LCT: variants seen among roughly 807,000 people sequenced by gnomAD.
LCT encodes the protein lactase/phlorizin hydrolase.
LCT carries 90 observed loss-of-function variants against 173.0 expected under a neutral mutation model. The ratio of observed to expected loss-of-function variants is 0.52; its 90% CI spans 0.44 to 0.62. The LOEUF is 0.62. Among genes scored for constraint, LCT ranks in the 20% least tolerant of loss-of-function variants. The probability of loss-of-function intolerance (pLI) is 0.00; values close to 1 mark genes in which losing one functional copy is unlikely to be tolerated. For synonymous variants in LCT, 853 were observed against 957.6 expected (o/e 0.89, Z 2.02); for missense variants, 1,864 against 2,431.4 (o/e 0.77, Z 4.91).
At chr2:135,825,613 G>A (rs2077882177) in intron 3 of LCT, among the ~76,000 whole-genome samples, 1 of 152,194 alleles carries the variant, frequency 6.6e-6, no homozygotes, top group Non-Finnish European at 1.5e-5. Flanking sequence ...ACCTCCTCGT[G>A]TGCCTCCTGC....
At position 135,823,908 on chromosome 2, in the gene LCT, A is replaced by T. The variant is rs1310790188; in HGVS notation, c.900T>A (p.Leu300=). 2 of 1,609,330 alleles carry T rather than the reference A, an allele frequency of 1.2e-6. No homozygotes were observed. ...MKNPASLLFS[L]FEAINKDQVL... ...CAGCAATGGCCCACTCACCTTCAAAAAGGCTGAAGAGCAGACTGGCTGGGT... is the reference window on the plus strand; with the variant it reads ...CAGCAATGGCCCACTCACCTTCAAATAGGCTGAAGAGCAGACTGGCTGGGT... Residue 300 remains leucine, a synonymous_variant, in exon 4 of 17, where the codon CTT becomes CTA. Transcript: ENST00000264162.
At chr2:135,803,042 G>T (rs985596788) in intron 11 of LCT, among the ~76,000 whole-genome samples, 1 of 152,160 alleles carries the variant, frequency 6.6e-6, no homozygotes, top group Non-Finnish European at 1.5e-5. Context: ...AGCCCAGGAG[G>T]TGGAGGTTGC....
At chr2:135,808,254 A>G (rs1401612003) in intron 8 of LCT, among the ~76,000 whole-genome samples, 189 bp downstream of exon 8, 2 of 152,178 alleles carry the variant, frequency 1.3e-5, no homozygotes, top group Non-Finnish European at 2.9e-5. Context: ...CTCTGCAGAG[A>G]CAACCATAGC....
At chr2:135,808,092 T>C (rs1450529144) in intron 8 of LCT, among the ~76,000 whole-genome samples, 1 of 151,722 alleles carries the variant, frequency 6.6e-6, no homozygotes, top group African/African-American at 2.4e-5. Flanking sequence ...CTGGGGTGCA[T>C]GGGATAAGCT....
intron 7 of LCT, among the ~76,000 whole-genome samples, chr2:135,811,440 T>C (rs919184785): frequency 1.9e-4 from 29 of 152,002 alleles, no homozygotes; most frequent in Non-Finnish European, 1.6e-4. Flanking sequence ...ACCTTTCCAA[T>C]TGGAATAAAA....
chr2:135,822,238 G>A, intron 4 of LCT, 140 bp from the exon 5 acceptor site: 1 of 673,708 alleles, frequency 1.5e-6, no homozygotes, highest in Non-Finnish European at 2.7e-6. Context: ...AATACCATGG[G>A]CTAACGACTT....
intron 3 of LCT, among the ~76,000 whole-genome samples, chr2:135,827,544 A>C (rs532900842): frequency 6.6e-6 from 1 of 152,198 alleles, no homozygotes; most frequent in Middle Eastern, 3.4e-3. Flanking sequence ...CGTGGAAGAC[A>C]ATTTTTCCAC....
intron 14 of LCT, among the ~76,000 whole-genome samples, chr2:135,793,220 A>G (rs1191723519): frequency 1.3e-5 from 2 of 152,218 alleles, no homozygotes; most frequent in Non-Finnish European, 2.9e-5. Flanking sequence ...GAATCCACTT[A>G]AGTCCCCTGC....
intron 3 of LCT, among the ~76,000 whole-genome samples, chr2:135,827,710 C>T (rs944374642): frequency 2.0e-5 from 3 of 152,102 alleles, no homozygotes; most frequent in Non-Finnish European, 4.4e-5. Flanking sequence ...CTAATATGGT[C>T]GCTGATCTGA....
At chr2:135,805,198 T>A (rs984479311) in intron 9 of LCT, 141 bp from the exon 10 acceptor site, 4 of 871,008 alleles carry the variant, frequency 4.6e-6, no homozygotes, top group Non-Finnish European at 7.4e-6. Context: ...TTGGTCCATG[T>A]GTGGTGGCTC....
At chr2:135,816,537 T>C (rs1348831644) in intron 6 of LCT, among the ~76,000 whole-genome samples, 2 of 152,244 alleles carry the variant, frequency 1.3e-5, no homozygotes, top group Non-Finnish European at 2.9e-5. Context: ...AACTGGGTCC[T>C]GGTGGCATCG....
At position 135,833,101 on chromosome 2, in the gene LCT, C is replaced by T. The variant is rs1162966493; in HGVS notation, c.720+10G>A. On this transcript the variant is annotated intron_variant, in intron 2 of 16. Transcript: ENST00000264162. ...CAGATGTTACAGGTATATTTTTGGG[C>T]TGCTGTCACCTGGGCAAGCGCAGAT... The T allele has an allele frequency of 6.2e-7, 1 of 1,605,942 alleles. No homozygotes were observed. The highest frequency in any genetic ancestry group is 1.1e-5 in the South Asian group (1 of 90,922).
At position 135,829,607 on chromosome 2, in the gene LCT, G is replaced by T; in HGVS notation, c.790C>A (p.Leu264Met). Residue 264 changes from leucine to methionine, a missense_variant, in exon 3 of 17, where the codon CTG (leucine) becomes ATG (methionine). Leu to Met is a conservative substitution (Grantham distance 15). Around this residue, in one of 4 missense-constraint regions of LCT, gnomAD observed 412 missense variants for 462.0 expected, o/e 0.89. Transcript: ENST00000264162. ...GCTCAAATTACCTGCAATTTACTCA[G>T]CTTCTGCCGCAGACTTGCCTCATTT... ...CQNEASLRQK[L>M]SKLQTIEPKV... The T allele has an allele frequency of 6.2e-7, 1 of 1,613,104 alleles. No individual in the cohort carries two copies.
chr2:135,828,752 C>T lies in LCT; in HGVS notation c.804+841G>A, dbSNP rs115731297. On this transcript the variant is annotated intron_variant, in intron 3 of 16. Transcript: ENST00000264162. ...CCTAACACACTTTCTCTAATGAGCCCGCATCATTAGACTTGAGAAAAGCAG... is the reference window on the plus strand; with the variant it reads ...CCTAACACACTTTCTCTAATGAGCCTGCATCATTAGACTTGAGAAAAGCAG... Among the ~76,000 whole-genome samples, 21 of 152,166 alleles carry T rather than the reference C, an allele frequency of 1.4e-4. No individual in the cohort carries two copies. The South Asian group carries it at 2.3e-3, about 17-fold the overall frequency.
At chr2:135,799,677 T>A (rs2077609604) in intron 12 of LCT, among the ~76,000 whole-genome samples, 1 of 152,198 alleles carries the variant, frequency 6.6e-6, no homozygotes, top group Non-Finnish European at 1.5e-5. Flanking sequence ...CTAGAACTCC[T>A]GACCTCAGGT....
chr2:135,788,522 G>A lies in LCT; in HGVS notation c.5586C>T (p.Pro1862=), dbSNP rs200786544. 25 of 1,611,166 alleles carry A rather than the reference G, an allele frequency of 1.6e-5. No individual in the cohort carries two copies. In the Admixed American group the frequency reaches 2.0e-4, roughly 13 times the overall value. The change falls in exon 17 of 17, where the codon CCC becomes CCT. Residue 1862 remains proline, a synonymous_variant. Coordinates refer to ENST00000264162, the MANE Select transcript of LCT (RefSeq NM_002299.4). ...GGAACTGCACCTCCTCCTGTCTCACGGGGCTGATGGTGGGTCCAGCATCTA... is the reference window on the plus strand; with the variant it reads ...GGAACTGCACCTCCTCCTGTCTCACAGGGCTGATGGTGGGTCCAGCATCTA... ...HQPDAGPTIS[P]VRQEEVQFLG...
At chr2:135,797,628 G>A (rs1405664567) in intron 13 of LCT, among the ~76,000 whole-genome samples, 1 of 152,170 alleles carries the variant, frequency 6.6e-6, no homozygotes, top group Non-Finnish European at 1.5e-5. Flanking sequence ...AAGAAGGGGC[G>A]GGCGGGTAAG....
chr2:135,798,118 T>G lies in LCT; in HGVS notation c.4887A>C (p.Ala1629=), dbSNP rs752646739. 2 of 1,607,818 alleles carry G rather than the reference T, an allele frequency of 1.2e-6. No individual in the cohort carries two copies. The highest frequency in any genetic ancestry group is 1.3e-5 in the African/African-American group (1 of 74,974). The change falls in exon 13 of 17, where the codon GCA becomes GCC. Residue 1629 remains alanine, a synonymous_variant. Transcript: ENST00000264162. ...AATCTCCATTCTTGAAAATAGGATG[T>G]GCAAACCAGCCTCCCATGAACTGCG... ...RYVQFMGGWF[A]HPIFKNGDYN...
At chr2:135,811,458 T>C (rs2077733776) in intron 7 of LCT, among the ~76,000 whole-genome samples, 1 of 152,012 alleles carries the variant, frequency 6.6e-6, no homozygotes, top group Admixed American at 6.5e-5. Flanking sequence ...AAAAGACATA[T>C]GAAATAGTAT....
Sources: gnomAD v4.1 joint callset for allele counts (sites outside exome capture counted in the v4.1 genomes callset) on GRCh38, gnomAD v4.1.1 for gene constraint, gnomAD v4.1.1 regional missense constraint, MANE v1.5 for transcripts, NCBI Gene and HGNC (gene_info 2026-07-23, HGNC 2026-07-21) for gene names.